Variants in LRP6 observed in about 807,000 individuals in gnomAD.
The protein encoded by LRP6 is low-density lipoprotein receptor-related protein 6.
LRP6 carries 43 observed loss-of-function variants against 184.1 expected under a neutral mutation model. The ratio of observed to expected loss-of-function variants is 0.23; its 90% CI spans 0.18 to 0.30. LRP6 has a LOEUF of 0.30. Among genes scored for constraint, LRP6 ranks in the 10% least tolerant of loss-of-function variants. The pLI is 1.00. For synonymous variants in LRP6, 719 were observed against 684.9 expected (o/e 1.05, Z -0.78); for missense variants, 1,571 against 2,005.3 (o/e 0.78, Z 4.14).
intron 14 of LRP6, 62 bp downstream of exon 14, chr12:12,148,880 A>C: frequency 8.4e-7 from 1 of 1,193,010 alleles, no homozygotes; most frequent in South Asian, 1.2e-5. Context: ...TAACAGGCTG[A>C]AAAAGAAGGG....
Position 12,158,842 on chromosome 12 carries a change from G to A in LRP6, c.2778C>T (p.Asn926=). 6.2e-7 allele frequency: 1 copy of A among 1,614,148 alleles called. No homozygotes were observed. The highest frequency in any genetic ancestry group is 1.7e-5 in the Admixed American group (1 of 60,028). The change falls in exon 12 of 23, where the codon AAC becomes AAT. Residue 926 remains asparagine, a synonymous_variant. Transcript: ENST00000261349. ...CPAHYSLNAD[N]RTCSAPTTFL... ...AATGCAGCTTACCACTACAAGTCCT[G>A]TTGTCAGCATTAAGAGAGTAGTGGG...
chr12:12,236,740 T>C (rs188982387), intron 2 of LRP6, among the ~76,000 whole-genome samples: 21 of 152,296 alleles, frequency 1.4e-4, no homozygotes, highest in African/African-American at 5.1e-4. Flanking sequence ...TTTATTTATA[T>C]TTATCAGTTT....
intron 3 of LRP6, among the ~76,000 whole-genome samples, chr12:12,197,288 G>T (rs952547611): frequency 1.3e-5 from 2 of 152,198 alleles, no homozygotes; most frequent in Non-Finnish European, 2.9e-5. Context: ...TTCCAGCTCA[G>T]CATGTACATT....
intron 18 of LRP6, among the ~76,000 whole-genome samples, chr12:12,131,475 A>G (rs1041013493): frequency 6.6e-6 from 1 of 152,180 alleles, no homozygotes; most frequent in African/African-American, 2.4e-5. Flanking sequence ...TGTTTTTACC[A>G]TGGGAAAAGT....
intron 16 of LRP6, 58 bp from the exon 17 acceptor site, chr12:12,135,358 G>T: frequency 8.0e-7 from 1 of 1,246,924 alleles, no homozygotes; most frequent in South Asian, 1.2e-5. Flanking sequence ...GGAGAGAAGT[G>T]GGAGAGAAGA....
intron 4 of LRP6, among the ~76,000 whole-genome samples, chr12:12,184,835 A>G (rs1001389428): frequency 6.6e-6 from 1 of 152,232 alleles, no homozygotes; most frequent in Non-Finnish European, 1.5e-5. Flanking sequence ...ACTAATTAGC[A>G]AACTTTGGAA....
intron 1 of LRP6, 52 bp downstream of exon 1, chr12:12,266,629 G>A (rs1419926568): frequency 6.4e-6 from 8 of 1,254,944 alleles, no homozygotes; most frequent in African/African-American, 6.3e-5. Flanking sequence ...CATACAACAA[G>A]GCCACCTCCC....
chr12:12,260,961 A>C (rs893504687), intron 1 of LRP6, among the ~76,000 whole-genome samples: 1 of 152,194 alleles, frequency 6.6e-6, no homozygotes, highest in Non-Finnish European at 1.5e-5. Context: ...TTTAAACAAA[A>C]AATATACGTT....
chr12:12,158,744 A>T, intron 12 of LRP6, 85 bp downstream of exon 12: 1 of 1,343,066 alleles, frequency 7.4e-7, no homozygotes, highest in Non-Finnish European at 1.1e-6. Context: ...CACACTATTT[A>T]ACTTTAGAAA....
At chr12:12,149,220 A>G in intron 13 of LRP6, 67 bp from the exon 14 acceptor site, 1 of 1,181,982 alleles carries the variant, frequency 8.5e-7, no homozygotes, top group Non-Finnish European at 1.3e-6. Flanking sequence ...GCAATCAGTC[A>G]CAATGCTTAC....
intron 19 of LRP6, among the ~76,000 whole-genome samples, chr12:12,128,372 A>G (rs1387334463): frequency 1.3e-5 from 2 of 152,138 alleles, no homozygotes; most frequent in Non-Finnish European, 2.9e-5. Context: ...AGAGATTTCT[A>G]TCTATCACCT....
In LRP6 at chr12:12,135,262, G is replaced by A. The variant is rs770537534; in HGVS notation, c.3646C>T (p.His1216Tyr). 1.5e-5 allele frequency: 25 copies of A among 1,613,264 alleles called. No individual in the cohort carries two copies. The highest frequency in any genetic ancestry group is 2.0e-5 in the Non-Finnish European group (24 of 1,179,590). Residue 1216 changes from histidine to tyrosine, a missense_variant, in exon 17 of 23, where the codon CAT (histidine) becomes TAT (tyrosine). Coordinates refer to ENST00000261349, the MANE Select transcript of LRP6 (RefSeq NM_002336.3). ...PCAQDNGGCS[H>Y]ICLVKGDGTT... ...CCATCCCCCTTTACAAGACAAATAT[G>A]TGAACAGCCACCATTATCCTGAGCA...
At chr12:12,204,279 C>CAAAAAAAA (rs61067494) in intron 2 of LRP6, among the ~76,000 whole-genome samples, 4 of 96,218 alleles carry the variant, frequency 4.2e-5, no homozygotes, top group Non-Finnish European at 4.1e-5. Flanking sequence ...TCATAAAAGT[C>CAAAAAAAA]AAAAAAAAAA....
chr12:12,179,200 C>T (rs1863269577), intron 7 of LRP6, among the ~76,000 whole-genome samples: 1 of 152,134 alleles, frequency 6.6e-6, no homozygotes, highest in African/African-American at 2.4e-5. Flanking sequence ...TTGATTGCCA[C>T]AAACTTAACT....
intron 15 of LRP6, among the ~76,000 whole-genome samples, chr12:12,141,918 G>A (rs377158631): frequency 7.4e-4 from 113 of 152,202 alleles, no homozygotes; most frequent in African/African-American, 2.4e-3. Flanking sequence ...CTTGTGCCTC[G>A]AATTCTGGAA....
intron 3 of LRP6, among the ~76,000 whole-genome samples, chr12:12,192,789 G>C (rs1175748565): frequency 6.6e-6 from 1 of 151,932 alleles, no homozygotes; most frequent in Non-Finnish European, 1.5e-5. Flanking sequence ...CAATAATATA[G>C]TTGGAGAGCT....
intron 1 of LRP6, among the ~76,000 whole-genome samples, chr12:12,246,076 C>T (rs1865176367): frequency 7.0e-6 from 1 of 143,856 alleles, no homozygotes; most frequent in African/African-American, 2.6e-5. Flanking sequence ...GATCTCAGCT[C>T]ACTGCAGCCT....
Position 12,145,240 on chromosome 12 carries a change from G to A in LRP6, c.3397+2126C>T, listed in dbSNP as rs183779187. The stretch of plus-strand genomic sequence containing the variant: ...AGGGAAAGAATATACTATACCAGGC[G>A]TGTAACTATACATGCGTAAGTGTGT... On this transcript the variant is annotated intron_variant, in intron 15 of 22. Transcript: ENST00000261349. Among the ~76,000 whole-genome samples, 15 of 151,716 alleles carry A rather than the reference G, an allele frequency of 9.9e-5. No individual in the cohort carries two copies. In the East Asian group the frequency reaches 2.9e-3, roughly 29 times the overall value.
chr12:12,229,375 A>C (rs1307518323), intron 2 of LRP6, among the ~76,000 whole-genome samples: 7 of 128,106 alleles, frequency 5.5e-5, no homozygotes, highest in Non-Finnish European at 1.3e-4. Flanking sequence ...CATTTCAAAA[A>C]AAAAAAAAAA....
Sources: gnomAD v4.1 joint callset for allele counts (sites outside exome capture counted in the v4.1 genomes callset) on GRCh38, gnomAD v4.1.1 for gene constraint, MANE v1.5 for transcripts, NCBI Gene and HGNC (gene_info 2026-07-23, HGNC 2026-07-21) for gene names.